Variants in SRRM4 observed in about 807,000 individuals in gnomAD.
SRRM4 encodes serine/arginine repetitive matrix protein 4.
Under a neutral mutation model 68.9 loss-of-function variants are expected in SRRM4, and 33 were observed. The observed-to-expected ratio is 0.48, with a 90% CI of 0.36 to 0.64. SRRM4 has a LOEUF of 0.64. Ranked by LOEUF, SRRM4 falls within the 30% of genes least tolerant of loss-of-function variation. The pLI is 0.00. For synonymous variants in SRRM4, 318 were observed against 318.8 expected, an observed-to-expected ratio of 1.00 and a Z score of 0.03; for missense variants, 817 against 827.1, an observed-to-expected ratio of 0.99 and a Z score of 0.15.
At chr12:118,999,368 T>C (rs1953369341) in intron 1 of SRRM4, among the ~76,000 whole-genome samples, 1 of 152,046 alleles carries the variant, frequency 6.6e-6, no homozygotes, top group Non-Finnish European at 1.5e-5. Flanking sequence ...GGCACCTGAA[T>C]GTCATGGCAG....
At chr12:119,040,132 C>A (rs1313923390) in intron 1 of SRRM4, among the ~76,000 whole-genome samples, 2 of 152,092 alleles carry the variant, frequency 1.3e-5, no homozygotes, top group Non-Finnish European at 2.9e-5. Flanking sequence ...AAAAAAGGCA[C>A]CTGTCCCTAC....
chr12:119,062,887 T>C (rs1297549712), intron 1 of SRRM4, among the ~76,000 whole-genome samples: 2 of 152,234 alleles, frequency 1.3e-5, no homozygotes, highest in Admixed American at 6.5e-5. Context: ...GTTTCTCATA[T>C]GCAAAATGAA....
At chr12:119,044,815 G>A (rs1464188549) in intron 1 of SRRM4, among the ~76,000 whole-genome samples, 1 of 152,176 alleles carries the variant, frequency 6.6e-6, no homozygotes, top group Non-Finnish European at 1.5e-5. Context: ...ACCCCCAACA[G>A]AGTTGTAGGG....
intron 1 of SRRM4, among the ~76,000 whole-genome samples, chr12:119,039,971 A>C (rs1225275103): frequency 6.6e-6 from 1 of 152,136 alleles, no homozygotes; most frequent in Non-Finnish European, 1.5e-5. Context: ...TTCTCTGACT[A>C]CTTGGATGCC....
At chr12:119,101,698 TAC>T (rs1351464614) in intron 1 of SRRM4, among the ~76,000 whole-genome samples, 9 of 152,086 alleles carry the variant, frequency 5.9e-5, no homozygotes, top group African/African-American at 2.2e-4. Flanking sequence ...CATTTGAATC[TAC>T]ATATAGGTAG....
chr12:119,153,457 C>T, intron 10 of SRRM4, 82 bp from the exon 11 acceptor site: 1 of 909,892 alleles, frequency 1.1e-6, no homozygotes, highest in Non-Finnish European at 1.7e-6. Context: ...GCCCAGGGAC[C>T]CGCTGAATAA....
chr12:119,086,128 C>A (rs1416685290), intron 1 of SRRM4, among the ~76,000 whole-genome samples: 1 of 152,098 alleles, frequency 6.6e-6, no homozygotes, highest in Admixed American at 6.5e-5. Context: ...TACAGGGCCA[C>A]CCTCAACGTA....
At chr12:119,031,681 T>C (rs954375306) in intron 1 of SRRM4, among the ~76,000 whole-genome samples, 6 of 152,220 alleles carry the variant, frequency 3.9e-5, no homozygotes, top group Non-Finnish European at 1.5e-5. Context: ...TCATCATTTT[T>C]AAAGTCTTTT....
rs201031940 is a variant in SRRM4, at chr12:119,156,595, G to C, written c.1633G>C (p.Ala545Pro). Residue 545 changes from alanine to proline, a missense_variant, in exon 13 of 13, where the codon GCC (alanine) becomes CCC (proline). Ala to Pro is a conservative substitution (Grantham distance 27). Coordinates refer to ENST00000267260, the MANE Select transcript of SRRM4 (RefSeq NM_194286.4). ...GTACAGCAGCAGCAGTAGCCGCTCG[G>C]CCAGCCGCAGCTACTCCCGGAGCCG... ...SWYSSSSSRSASRSYSRSRSR... is the reference protein window; with the variant it reads ...SWYSSSSSRSPSRSYSRSRSR... The C allele has an allele frequency of 1.6e-4, 264 of 1,610,012 alleles. 1 individual carries two copies. In the Admixed American group the frequency reaches 2.5e-3, roughly 15 times the overall value.
At chr12:119,089,066 G>T (rs929414531) in intron 1 of SRRM4, among the ~76,000 whole-genome samples, 5 of 152,054 alleles carry the variant, frequency 3.3e-5, no homozygotes, top group Non-Finnish European at 5.9e-5. Context: ...CCAAGCCCCC[G>T]GTGTCTCCTG....
chr12:119,130,784 C>G lies in SRRM4; in HGVS notation c.721C>G (p.Pro241Ala), dbSNP rs768667745. ...CAGCCCTGAGGCCCAGTCCAGTCGC[C>G]CGCCCAGTCAACCCCTCCAGATGCT... ...KDSPEAQSSRPPSQPLQMLGY... is the reference protein window; with the variant it reads ...KDSPEAQSSRAPSQPLQMLGY... The change falls in exon 8 of 13, where the codon CCG becomes GCG. Residue 241 changes from proline to alanine, a missense_variant. Transcript: ENST00000267260. The G allele has an allele frequency of 1.2e-6, 2 of 1,609,226 alleles. No individual in the cohort carries two copies. Among genetic ancestry groups the G allele is most frequent in the Non-Finnish European group, 1.7e-6 (2 of 1,179,780 alleles).
chr12:119,019,450 T>C (rs567351095), intron 1 of SRRM4, among the ~76,000 whole-genome samples: 1 of 151,890 alleles, frequency 6.6e-6, no homozygotes, highest in South Asian at 2.1e-4. Flanking sequence ...GGGCTTGAAT[T>C]CCCCCCCTCA....
intron 1 of SRRM4, among the ~76,000 whole-genome samples, chr12:119,095,114 C>T (rs1191840709): frequency 2.0e-5 from 3 of 151,662 alleles, no homozygotes; most frequent in Non-Finnish European, 4.4e-5. Flanking sequence ...TGAAGATTAC[C>T]CCCATCCAGG....
At chr12:119,072,414 T>A (rs1953883550) in intron 1 of SRRM4, among the ~76,000 whole-genome samples, 1 of 152,142 alleles carries the variant, frequency 6.6e-6, no homozygotes, top group Non-Finnish European at 1.5e-5. Flanking sequence ...TTAGTCCTGA[T>A]CTCTCATTTG....
intron 8 of SRRM4, 54 bp from the exon 9 acceptor site, chr12:119,145,327 A>T: frequency 4.1e-6 from 6 of 1,457,930 alleles, no homozygotes; most frequent in Non-Finnish European, 5.6e-6. Flanking sequence ...GTTATTTAGA[A>T]ACAGCCCATG....
At chr12:119,061,963 T>G (rs1205669553) in intron 1 of SRRM4, among the ~76,000 whole-genome samples, 2 of 152,320 alleles carry the variant, frequency 1.3e-5, no homozygotes, top group East Asian at 1.9e-4. Flanking sequence ...ATGCGTCACT[T>G]ATAAATGGGA....
intron 1 of SRRM4, among the ~76,000 whole-genome samples, chr12:119,022,646 A>G (rs1385437251): frequency 1.3e-5 from 2 of 152,224 alleles, no homozygotes; most frequent in Admixed American, 6.5e-5. Flanking sequence ...GGGATTGTGA[A>G]GTTTTGTCAC....
chr12:119,083,020 G>T (rs115678445), intron 1 of SRRM4, among the ~76,000 whole-genome samples: 1 of 152,202 alleles, frequency 6.6e-6, no homozygotes, highest in Admixed American at 6.5e-5. Flanking sequence ...GATAAGGGGA[G>T]TGAAGTCTGG....
chr12:119,075,363 C>A (rs1011462733), intron 1 of SRRM4, among the ~76,000 whole-genome samples: 1 of 150,822 alleles, frequency 6.6e-6, no homozygotes, highest in Non-Finnish European at 1.5e-5. Context: ...ATGATGATGA[C>A]GATTATGATG....
Sources: gnomAD v4.1 joint callset for allele counts (sites outside exome capture counted in the v4.1 genomes callset) on GRCh38, gnomAD v4.1.1 for gene constraint, MANE v1.5 for transcripts, NCBI Gene and HGNC (gene_info 2026-07-23, HGNC 2026-07-21) for gene names.